Variants in SLC25A48 observed in about 807,000 individuals in gnomAD.
The protein encoded by SLC25A48 is CTC-321K16.1.
Under a neutral mutation model 32.2 loss-of-function variants are expected in SLC25A48, and 29 were observed. The ratio of observed to expected loss-of-function variants is 0.90; its 90% CI spans 0.67 to 1.23. SLC25A48 has a LOEUF of 1.23. SLC25A48 is among the 50% of genes most tolerant of loss of function. The pLI is 0.00. For synonymous variants in SLC25A48, 164 were observed against 172.3 expected, an observed-to-expected ratio of 0.95 and a Z score of 0.38; for missense variants, 399 against 422.7, an observed-to-expected ratio of 0.94 and a Z score of 0.49.
At chr5:135,795,752 G>C (rs1757153645) in intron 3 of SLC25A48, among the ~76,000 whole-genome samples, 1 of 151,324 alleles carries the variant, frequency 6.6e-6, no homozygotes, top group African/African-American at 2.4e-5. Context: ...CGGTGGGGGA[G>C]AGAGTGTGAC....
intron 1 of SLC25A48, among the ~76,000 whole-genome samples, chr5:135,622,862 T>C (rs1321315375): frequency 6.6e-6 from 1 of 152,178 alleles, no homozygotes; most frequent in Admixed American, 6.6e-5. Context: ...AAAAAGACTG[T>C]GTTTCTGGAT....
At chr5:135,710,116 G>A (rs754486122) in intron 3 of SLC25A48, among the ~76,000 whole-genome samples, 1 of 152,230 alleles carries the variant, frequency 6.6e-6, no homozygotes, top group African/African-American at 2.4e-5. Flanking sequence ...CCCTTTCACT[G>A]TGAGGCCCCA....
chr5:135,632,405 T>C (rs868122895), intron 2 of SLC25A48, among the ~76,000 whole-genome samples: 2 of 151,990 alleles, frequency 1.3e-5, no homozygotes, highest in Non-Finnish European at 2.9e-5. Flanking sequence ...TCAAGAAGGG[T>C]TAGATGGAAT....
At chr5:135,886,646 A>ATG (rs1446545599) in intron 7 of SLC25A48, among the ~76,000 whole-genome samples, 9 of 36,486 alleles carry the variant, frequency 2.5e-4, no homozygotes, top group African/African-American at 7.6e-4. Flanking sequence ...TAAAATATAT[A>ATG]TATGTGTGTG....
intron 3 of SLC25A48, among the ~76,000 whole-genome samples, chr5:135,766,334 T>C (rs567117505): frequency 8.1e-4 from 108 of 132,604 alleles, no homozygotes; most frequent in African/African-American, 2.9e-3. Context: ...CACCCCCCTG[T>C]AATATGGTTT....
intron 1 of SLC25A48, among the ~76,000 whole-genome samples, chr5:135,603,589 GCC>G (rs1751854865): frequency 6.6e-6 from 1 of 152,192 alleles, no homozygotes; most frequent in African/African-American, 2.4e-5. Flanking sequence ...CCAGCTCAGG[GCC>G]CTGGGGAGCC....
At chr5:135,727,766 C>T (rs1755121835) in intron 3 of SLC25A48, among the ~76,000 whole-genome samples, 1 of 152,100 alleles carries the variant, frequency 6.6e-6, no homozygotes, top group African/African-American at 2.4e-5. Context: ...TTGTGTGTCT[C>T]TCGGCCAATA....
At chr5:135,702,707 T>C (rs1047175016) in intron 3 of SLC25A48, among the ~76,000 whole-genome samples, 1 of 152,228 alleles carries the variant, frequency 6.6e-6, no homozygotes, top group African/African-American at 2.4e-5. Context: ...CCCAGCCACA[T>C]AGGAAAGGCT....
rs996327072 is a variant in SLC25A48, at chr5:135,629,540, C to T, written c.-709+164C>T. ...ACTTGGCCTCTAATCCCAAGAGACC[C>T]TGGGAGGTGGGGGTGGAATGTGGAG... On this transcript the variant is annotated intron_variant, in intron 2 of 10. Transcript: ENST00000646290. This position sits in a 1 kb window ranked among gnomAD's most constrained non-coding sequence, Gnocchi z 4.8. Among the ~76,000 whole-genome samples the T allele has an allele frequency of 3.3e-5, 5 of 152,230 alleles. No homozygotes were observed. The highest frequency in any genetic ancestry group is 5.9e-5 in the Non-Finnish European group (4 of 68,014).
intron 3 of SLC25A48, among the ~76,000 whole-genome samples, chr5:135,763,871 T>G (rs536577215): frequency 6.6e-6 from 1 of 152,228 alleles, no homozygotes; most frequent in African/African-American, 2.4e-5. Context: ...CACTCAATTC[T>G]ATTTACTTAT....
chr5:135,722,755 A>G (rs1218771392), intron 3 of SLC25A48, among the ~76,000 whole-genome samples: 1 of 152,264 alleles, frequency 6.6e-6, no homozygotes, highest in Non-Finnish European at 1.5e-5. Flanking sequence ...CAATGACCTC[A>G]TCATTGTCCG....
At chr5:135,611,827 C>G (rs1484896404) in intron 1 of SLC25A48, among the ~76,000 whole-genome samples, 1 of 152,214 alleles carries the variant, frequency 6.6e-6, no homozygotes, top group Non-Finnish European at 1.5e-5. Context: ...AATGTTCCCC[C>G]TTATTCCAAC....
chr5:135,579,551 C>T (rs1380166054), exon 1 of SLC25A48: 1 of 152,342 alleles, frequency 6.6e-6, no homozygotes, highest in East Asian at 1.9e-4. Context: ...ATAGACTGTC[C>T]AGCAGCAAAG....
intron 3 of SLC25A48, among the ~76,000 whole-genome samples, chr5:135,640,056 G>C (rs1752796555): frequency 1.3e-5 from 2 of 152,124 alleles, no homozygotes; most frequent in South Asian, 4.1e-4. Context: ...GGACTTAATG[G>C]GGAAACAGAT....
intron 4 of SLC25A48, 100 bp from the exon 5 acceptor site, chr5:135,871,359 TGA>T: frequency 7.2e-7 from 1 of 1,387,060 alleles, no homozygotes; most frequent in East Asian, 2.4e-5. Flanking sequence ...ATGGGCTACA[TGA>T]GAGGGAACTG....
intron 3 of SLC25A48, among the ~76,000 whole-genome samples, chr5:135,677,361 A>T (rs1418637440): frequency 8.5e-6 from 1 of 117,166 alleles, no homozygotes; most frequent in Non-Finnish European, 1.9e-5. Context: ...GGTAGCATAC[A>T]CTTGGATCAT....
intron 3 of SLC25A48, among the ~76,000 whole-genome samples, chr5:135,737,450 G>T (rs538326231): frequency 8.5e-5 from 13 of 152,290 alleles, no homozygotes; most frequent in African/African-American, 3.1e-4. Context: ...AGGTCACAGG[G>T]GATATGATGG....
At chr5:135,830,163 C>G (rs1322776306), upstream of SLC25A48, among the ~76,000 whole-genome samples, 1 of 152,102 alleles carries the variant, frequency 6.6e-6, no homozygotes, top group Non-Finnish European at 1.5e-5. Flanking sequence ...CACACATATA[C>G]TGAGTGTGGC....
chr5:135,725,293 A>G (rs1230968370), intron 3 of SLC25A48, among the ~76,000 whole-genome samples: 1 of 152,210 alleles, frequency 6.6e-6, no homozygotes, highest in Non-Finnish European at 1.5e-5. Flanking sequence ...CTTCCTGAAG[A>G]CAAGTGATGT....
Sources: gnomAD v4.1 joint callset for allele counts (sites outside exome capture counted in the v4.1 genomes callset) on GRCh38, gnomAD v4.1.1 for gene constraint, Gnocchi (gnomAD v3.1) non-coding constraint, MANE v1.5 for transcripts, NCBI Gene and HGNC (gene_info 2026-07-23, HGNC 2026-07-21) for gene names.